Variants in MBD2 observed in about 807,000 individuals in gnomAD.
The protein encoded by MBD2 is methyl-CpG-binding domain protein 2.
A neutral mutation model predicts 39.3 loss-of-function variants in MBD2; 9 were observed. The ratio of observed to expected loss-of-function variants is 0.23; its 90% CI spans 0.14 to 0.40. The LOEUF (loss-of-function observed/expected upper bound fraction) is 0.40. Among genes scored for constraint, MBD2 ranks in the 10% least tolerant of loss-of-function variants. The probability of loss-of-function intolerance (pLI) is 1.00; values close to 1 mark genes in which losing one functional copy is unlikely to be tolerated. For missense variants in MBD2, 458 were observed against 532.6 expected (o/e 0.86, Z 1.38); for synonymous variants, 233 against 211.1 (o/e 1.10, Z -0.90).
At chr18:54,213,513 G>A (rs1352286107) in intron 1 of MBD2, among the ~76,000 whole-genome samples, 1 of 152,038 alleles carries the variant, frequency 6.6e-6, no homozygotes, top group Non-Finnish European at 1.5e-5. Context: ...TAAAAACCAG[G>A]GTATGCCACT....
At chr18:54,173,642 T>C (rs2086192872) in intron 3 of MBD2, among the ~76,000 whole-genome samples, 2 of 152,204 alleles carry the variant, frequency 1.3e-5, no homozygotes, top group Admixed American at 6.5e-5. Context: ...AAGGGAACCT[T>C]TCCTTAACTC....
At chr18:54,203,099 G>A (rs747844829) in intron 2 of MBD2, 21 of 1,605,724 alleles carry the variant, frequency 1.3e-5, no homozygotes, top group Admixed American at 3.3e-5. Flanking sequence ...GTGTTCCAGC[G>A]CAGCTAGAGC....
intron 3 of MBD2, among the ~76,000 whole-genome samples, chr18:54,168,621 G>GCA (rs1568079974): frequency 7.3e-4 from 30 of 41,014 alleles, no homozygotes; most frequent in African/African-American, 1.6e-3. Context: ...ATTTGTGTGT[G>GCA]TGTGTGTGTG....
intron 1 of MBD2, among the ~76,000 whole-genome samples, chr18:54,210,142 CAACT>C (rs1231860202): frequency 6.6e-6 from 1 of 152,018 alleles, no homozygotes; most frequent in Non-Finnish European, 1.5e-5. Context: ...ATTCCTGAAC[CAACT>C]GTGATCACAC....
rs1207081038 is a variant in MBD2 at position 54,188,893 on chromosome 18, A to G, written c.821T>C (p.Met274Thr). The G allele has an allele frequency of 3.1e-6, 5 of 1,607,618 alleles. No individual in the cohort carries two copies. In the Admixed American group the frequency reaches 5.0e-5, roughly 16 times the overall value. The part of the protein sequence containing the change: ...SNKVKSDPQR[M>T]NEQPRQLFWE... ...CCTTACCTGACGTGGCTGTTCATTC[A>G]TTCGTTGTGGGTCTGATTTCACTTT... The change falls in exon 3 of 7, where the codon ATG (methionine) becomes ACG (threonine). Residue 274 changes from methionine to threonine, a missense_variant. Around this residue, in one of 2 missense-constraint regions of MBD2, gnomAD observed 189 missense variants for 296.6 expected, o/e 0.64. Transcript: ENST00000256429.
rs1192209202 is a variant in MBD2, at chr18:54,224,278, GCGGCCCCGGCCC to G, written c.270_281del (p.Gly93_Arg96del). 2.9e-5 allele frequency: 27 copies of G among 942,164 alleles called. No homozygotes were observed. Among genetic ancestry groups the G allele is most frequent in the Non-Finnish European group, 3.3e-5 (26 of 794,142 alleles). 58.4% of individuals were successfully genotyped at this position (942,164 alleles called of 1,614,324 possible). ...CGCTGCCGCCACTCGGGGGACGGCC[GCGGCCCCGGCCC>G]CGGCCCCGTCCCCGTCCCCGGCCAC... On this transcript the variant is annotated inframe_deletion, in exon 1 of 7. Coordinates refer to ENST00000256429, the MANE Select transcript of MBD2 (RefSeq NM_003927.5).
intron 2 of MBD2, among the ~76,000 whole-genome samples, chr18:54,199,578 A>C (rs2144323619): frequency 6.6e-6 from 1 of 152,252 alleles, no homozygotes; most frequent in South Asian, 2.1e-4. Flanking sequence ...AAACAAAACT[A>C]TTTTAACTCG....
At chr18:54,180,990 G>C (rs1309408669) in intron 3 of MBD2, among the ~76,000 whole-genome samples, 1 of 143,992 alleles carries the variant, frequency 6.9e-6, no homozygotes, top group African/African-American at 2.6e-5. Flanking sequence ...ACTGCCTCCT[G>C]GGTTCAAGCA....
intron 3 of MBD2, among the ~76,000 whole-genome samples, chr18:54,182,706 A>C (rs1408433540): frequency 6.6e-6 from 1 of 152,134 alleles, no homozygotes; most frequent in Non-Finnish European, 1.5e-5. Flanking sequence ...GGAACAAGAC[A>C]GGAAGCACTT....
rs60604906 is a variant in MBD2, at chr18:54,168,613, TTGTGTGTG to T, written c.841-2455_841-2448del. Among the ~76,000 whole-genome samples, 480 of 117,134 alleles carry T rather than the reference TTGTGTGTG, an allele frequency of 4.1e-3. 10 individuals are homozygous for T. The highest frequency in any genetic ancestry group is 0.03 in the East Asian group (137 of 4,514). The allele number at this position is 117,134 out of a possible 152,430, so 76.8% of individuals were successfully genotyped here. A position where few individuals can be genotyped will look rare whatever the true frequency, so the allele number is the denominator to read the frequency against. On this transcript the variant is annotated intron_variant, in intron 3 of 6. Transcript: ENST00000256429. ...TATATATATATTTATGTATGCATAT[TTGTGTGTG>T]TGTGTGTGTGTGTGTGTGTGTGTGT...
In MBD2 at chr18:54,180,897, C is replaced by CTTTTTTT. The variant is rs1211071727; in HGVS notation, c.840+7976_840+7977insAAAAAAA. 4.9e-3 allele frequency among the ~76,000 whole-genome samples: 515 copies of CTTTTTTT among 105,278 alleles called. 33 individuals carry two copies. Among genetic ancestry groups the CTTTTTTT allele is most frequent in the Non-Finnish European group, 6.9e-3 (380 of 55,260 alleles). The allele number at this position is 105,278 out of a possible 152,430, so 69.1% of individuals were successfully genotyped here. A position where few individuals can be genotyped will look rare whatever the true frequency, so the allele number is the denominator to read the frequency against. On this transcript the variant is annotated intron_variant, in intron 3 of 6. Transcript: ENST00000256429. ...CAGCCTATGTATTCCTTAATTTTTT[C>CTTTTTTT]TTTTTCTTTTTTTTTTTTTTTTTTT...
chr18:54,166,175 C>T lies in MBD2; in HGVS notation c.841-9G>A. On this transcript the variant is annotated splice_polypyrimidine_tract_variant and intron_variant, in intron 3 of 6. Transcript: ENST00000256429. ...CTCTTCTCCCAGAAAAGCTGTAAGG[C>T]AAAATATCACTGTTAATAGATACAT... 1 of 1,540,888 alleles carries T rather than the reference C, an allele frequency of 6.5e-7. No homozygotes were observed. The highest frequency in any genetic ancestry group is 2.2e-5 in the East Asian group (1 of 44,492).
At chr18:54,168,707 AG>A (rs1460591020) in intron 3 of MBD2, among the ~76,000 whole-genome samples, 10 of 148,410 alleles carry the variant, frequency 6.7e-5, no homozygotes, top group African/African-American at 2.2e-4. Flanking sequence ...GGAGTGAAAA[AG>A]GTCAGAGAAG....
rs1211071727 is a variant in MBD2, at chr18:54,180,897, C to CTTTTTTTTTTTTTT, written c.840+7976_840+7977insAAAAAAAAAAAAAA. On this transcript the variant is annotated intron_variant, in intron 3 of 6. Transcript: ENST00000256429. Reference sequence around the variant, plus strand: ...CAGCCTATGTATTCCTTAATTTTTTCTTTTTCTTTTTTTTTTTTTTTTTTT... The same window carrying CTTTTTTTTTTTTTT: ...CAGCCTATGTATTCCTTAATTTTTTCTTTTTTTTTTTTTTTTTTTCTTTTTTTTTTTTTTTTTTT... Among the ~76,000 whole-genome samples the CTTTTTTTTTTTTTT allele has an allele frequency of 4.1e-4, 43 of 105,364 alleles. 3 individuals are homozygous for CTTTTTTTTTTTTTT. The highest frequency in any genetic ancestry group is 5.8e-4 in the Non-Finnish European group (32 of 55,304). 69.1% of individuals were successfully genotyped at this position (105,364 alleles called of 152,430 possible).
intron 3 of MBD2, among the ~76,000 whole-genome samples, chr18:54,180,965 C>T (rs567990494): frequency 1.9e-4 from 26 of 133,822 alleles, no homozygotes; most frequent in Admixed American, 4.4e-4. Flanking sequence ...GGCCTGATCT[C>T]GGCTCACTGC....
chr18:54,196,101 T>C (rs955779241), intron 2 of MBD2, among the ~76,000 whole-genome samples: 1 of 152,188 alleles, frequency 6.6e-6, no homozygotes, highest in Non-Finnish European at 1.5e-5. Context: ...TTAAAATATA[T>C]AATTCAGTGG....
chr18:54,157,974 C>T (rs1283759037), intron 6 of MBD2, among the ~76,000 whole-genome samples: 2 of 152,170 alleles, frequency 1.3e-5, no homozygotes, highest in African/African-American at 2.4e-5. Flanking sequence ...GCGAGACTAC[C>T]GCAGCAACAT....
chr18:54,218,888 G>T (rs1203389278), intron 1 of MBD2, among the ~76,000 whole-genome samples: 1 of 151,812 alleles, frequency 6.6e-6, no homozygotes, highest in Non-Finnish European at 1.5e-5. Context: ...CTTGAACCCA[G>T]GAGGCGGAGG....
At chr18:54,179,636 T>C (rs1272189142) in intron 3 of MBD2, among the ~76,000 whole-genome samples, 2 of 152,242 alleles carry the variant, frequency 1.3e-5, no homozygotes, top group South Asian at 4.1e-4. Context: ...AAACATTATT[T>C]GATCACTTAA....
Sources: allele counts gnomAD v4.1 joint callset (sites outside exome capture counted in the v4.1 genomes callset), GRCh38; gene constraint gnomAD v4.1.1; regional missense constraint gnomAD v4.1.1; transcripts MANE v1.5; gene names NCBI Gene and HGNC (gene_info 2026-07-23, HGNC 2026-07-21).